Variants in LINGO2 observed in about 807,000 individuals in gnomAD.
LINGO2 encodes leucine-rich repeat and immunoglobulin-like domain-containing nogo receptor-interacting protein 2.
A neutral mutation model predicts 30.6 loss-of-function variants in LINGO2; 14 were observed. That is an observed-to-expected ratio of 0.46 (90% confidence interval 0.30 to 0.72). LINGO2 has a LOEUF of 0.72. Ranked by LOEUF, LINGO2 falls within the 30% of genes least tolerant of loss-of-function variation. LINGO2 has a pLI of 0.07. For missense variants in LINGO2, 729 were observed against 751.7 expected (o/e 0.97, Z 0.35); for synonymous variants, 317 against 288.5 (o/e 1.10, Z -1.00).
At chr9:28,775,098 T>G in the LINGO2 span, among the ~76,000 whole-genome samples, 105 of 152,122 alleles carry the variant, frequency 6.9e-4, no homozygotes, top group African/African-American at 2.5e-3. Flanking sequence ...GCTGCCAAAG[T>G]GAGCATAGGA....
chr9:28,309,900 A>G (rs751849243), intron 3 of LINGO2, among the ~76,000 whole-genome samples: 3 of 152,132 alleles, frequency 2.0e-5, no homozygotes, highest in Non-Finnish European at 4.4e-5. Flanking sequence ...ACATCAGCAC[A>G]TGAAATGATG....
chr9:29,148,822 T>C, the LINGO2 span, among the ~76,000 whole-genome samples: 1 of 152,064 alleles, frequency 6.6e-6, no homozygotes, highest in Non-Finnish European at 1.5e-5. Flanking sequence ...AATTACGGGA[T>C]TTTGCCCCAC....
chr9:28,055,037 A>G (rs1020783327), intron 4 of LINGO2, among the ~76,000 whole-genome samples: 1 of 151,872 alleles, frequency 6.6e-6, no homozygotes, highest in Non-Finnish European at 1.5e-5. Flanking sequence ...ACTTGCAAAA[A>G]AAATATATAT....
At chr9:28,461,291 T>TA (rs903888653) in intron 2 of LINGO2, among the ~76,000 whole-genome samples, 11 of 152,136 alleles carry the variant, frequency 7.2e-5, no homozygotes, top group Non-Finnish European at 1.2e-4. Flanking sequence ...CCTAAAGTGC[T>TA]ATACAAGCAG....
chr9:28,109,974 A>G (rs923856834), intron 4 of LINGO2, among the ~76,000 whole-genome samples: 2 of 152,344 alleles, frequency 1.3e-5, no homozygotes, highest in South Asian at 4.1e-4. Flanking sequence ...TGGAGGCATC[A>G]TGCTACCTGT....
the LINGO2 span, among the ~76,000 whole-genome samples, chr9:28,983,267 C>T: frequency 1.3e-5 from 2 of 150,372 alleles, no homozygotes; most frequent in Non-Finnish European, 3.0e-5. Context: ...ATACATACTA[C>T]CTGGCCTTTT....
At chr9:28,302,060 A>G (rs1179525691) in intron 3 of LINGO2, among the ~76,000 whole-genome samples, 1 of 152,196 alleles carries the variant, frequency 6.6e-6, no homozygotes, top group Non-Finnish European at 1.5e-5. Context: ...CCTGCCTTAT[A>G]AGATATCTTG....
rs184662422 is a variant in LINGO2, at chr9:28,339,186, A to G, written c.-246+33650T>C. Among the ~76,000 whole-genome samples the G allele has an allele frequency of 2.9e-4, 43 of 147,914 alleles. No individual in the cohort carries two copies. The East Asian group carries it at 5.1e-3, about 18-fold the overall frequency. On this transcript the variant is annotated intron_variant, in intron 3 of 5. Transcript: ENST00000379992. ...CCCCTTTTTAGAATAGGTAAGTTAT[A>G]TTATCAATGATCTTACAAATAAAAT...
intron 4 of LINGO2, among the ~76,000 whole-genome samples, chr9:28,207,009 C>A (rs1030762026): frequency 3.3e-5 from 5 of 152,078 alleles, no homozygotes; most frequent in African/African-American, 9.7e-5. Context: ...ATAAATATTT[C>A]TCTTATTTAT....
intron 4 of LINGO2, among the ~76,000 whole-genome samples, chr9:28,243,640 CA>C (rs201075855): frequency 6.0e-5 from 9 of 150,006 alleles, no homozygotes; most frequent in Non-Finnish European, 8.9e-5. Context: ...AACAAACAAA[CA>C]AAAAAACAAA....
chr9:28,944,147 T>TACA, the LINGO2 span, among the ~76,000 whole-genome samples: 1 of 152,188 alleles, frequency 6.6e-6, no homozygotes, highest in Non-Finnish European at 1.5e-5. Context: ...ACAGTTATCT[T>TACA]TGTCTGTATG....
chr9:28,727,323 T>C, the LINGO2 span, among the ~76,000 whole-genome samples: 1 of 151,836 alleles, frequency 6.6e-6, no homozygotes, highest in Non-Finnish European at 1.5e-5. Flanking sequence ...TCTCACTCTG[T>C]CTCCCAGGCT....
chr9:28,300,211 T>C (rs1333281143), intron 3 of LINGO2, among the ~76,000 whole-genome samples: 1 of 151,638 alleles, frequency 6.6e-6, no homozygotes, highest in Admixed American at 6.6e-5. Context: ...AAAGTATGAA[T>C]AGCACATCAG....
intron 3 of LINGO2, among the ~76,000 whole-genome samples, chr9:28,303,196 T>C (rs1007917866): frequency 1.3e-5 from 2 of 152,176 alleles, no homozygotes; most frequent in African/African-American, 4.8e-5. Flanking sequence ...CTTGTGTATA[T>C]ATGTGTGTGA....
intron 2 of LINGO2, among the ~76,000 whole-genome samples, chr9:28,412,731 A>G (rs1445071309): frequency 6.6e-6 from 1 of 152,156 alleles, no homozygotes; most frequent in Non-Finnish European, 1.5e-5. Context: ...GACATAAAAT[A>G]TGCATTTAAA....
At chr9:28,282,678 T>C (rs1027369469) in intron 4 of LINGO2, among the ~76,000 whole-genome samples, 3 of 152,146 alleles carry the variant, frequency 2.0e-5, no homozygotes, top group Admixed American at 6.6e-5. Flanking sequence ...TTGCATCAAC[T>C]ATGCCCTGGA....
At chr9:29,057,095 T>G in the LINGO2 span, among the ~76,000 whole-genome samples, 10 of 152,046 alleles carry the variant, frequency 6.6e-5, no homozygotes, top group South Asian at 2.1e-4. Context: ...ATTGGAATTT[T>G]GGAATTTTAA....
At chr9:28,602,650 T>C (rs186162704) in intron 1 of LINGO2, among the ~76,000 whole-genome samples, 78 of 152,268 alleles carry the variant, frequency 5.1e-4, no homozygotes, top group Admixed American at 1.8e-3. Flanking sequence ...CTTTAGTTTA[T>C]GTATTTTTTT....
chr9:29,106,660 T>C, the LINGO2 span, among the ~76,000 whole-genome samples: 1 of 152,172 alleles, frequency 6.6e-6, no homozygotes, highest in African/African-American at 2.4e-5. Flanking sequence ...ATACTTCTTA[T>C]ACTCTAAGCA....
Sources: gnomAD v4.1 joint callset for allele counts (sites outside exome capture counted in the v4.1 genomes callset) on GRCh38, gnomAD v4.1.1 for gene constraint, MANE v1.5 for transcripts, NCBI Gene and HGNC (gene_info 2026-07-23, HGNC 2026-07-21) for gene names.